The following PAMR1 variants were observed in gnomAD, a reference collection of about 807,000 sequenced individuals.
PAMR1 encodes peptidase domain containing associated with muscle regeneration 1.
PAMR1 carries 88 observed loss-of-function variants against 81.8 expected under a neutral mutation model. The observed-to-expected ratio is 1.08, with a 90% CI of 0.91 to 1.28. The LOEUF (loss-of-function observed/expected upper bound fraction) is 1.28. PAMR1 is among the 50% of genes most tolerant of loss of function. The pLI is 0.00. For missense variants in PAMR1, 935 were observed against 919.7 expected (o/e 1.02, Z -0.21); for synonymous variants, 336 against 345.3 (o/e 0.97, Z 0.30).
At chr11:35,451,452 C>T (rs961779401) in intron 6 of PAMR1, among the ~76,000 whole-genome samples, 1 of 152,204 alleles carries the variant, frequency 6.6e-6, no homozygotes, top group Non-Finnish European at 1.5e-5. Flanking sequence ...TTTCTGAAAT[C>T]AAATCACATG....
At chr11:35,458,193 C>T (rs1231519504) in intron 6 of PAMR1, among the ~76,000 whole-genome samples, 1 of 152,186 alleles carries the variant, frequency 6.6e-6, no homozygotes, top group Non-Finnish European at 1.5e-5. Context: ...ATTTTCTCAG[C>T]ACCCATCCTT....
chr11:35,490,818 A>T (rs1850610475), intron 3 of PAMR1, among the ~76,000 whole-genome samples: 1 of 152,228 alleles, frequency 6.6e-6, no homozygotes, highest in Admixed American at 6.5e-5. Flanking sequence ...AGTTGGTAGC[A>T]TTATTCTCCT....
At chr11:35,492,261 G>T in intron 2 of PAMR1, 88 bp from the exon 3 acceptor site, 1 of 1,434,300 alleles carries the variant, frequency 7.0e-7, no homozygotes, top group South Asian at 1.3e-5. Flanking sequence ...ACCTTCTCAG[G>T]GCCCTGTCTC....
At chr11:35,439,803 C>T in intron 7 of PAMR1, 110 bp from the exon 8 acceptor site, 1 of 865,852 alleles carries the variant, frequency 1.2e-6, no homozygotes, top group Non-Finnish European at 1.9e-6. Context: ...GTGCCCATTC[C>T]CCAGGCTCTC....
Position 35,435,943 on chromosome 11 carries a change from C to T in PAMR1, c.1293G>A (p.Arg431=). 6.2e-7 allele frequency: 1 copy of T among 1,614,218 alleles called. No homozygotes were observed. Among genetic ancestry groups the T allele is most frequent in the Non-Finnish European group, 8.5e-7 (1 of 1,180,036 alleles). Residue 431 remains arginine, a synonymous_variant, in exon 9 of 11, where the codon AGG becomes AGA. Coordinates refer to ENST00000619888, the MANE Select transcript of PAMR1 (RefSeq NM_001001991.3). ...RLGSSRRTCL[R]TGKWSGRAPS... Reference sequence around the variant, plus strand: ...GTGCCCGCCCACTCCACTTCCCAGTCCTCAGACATGTCCTCCTGCTGCTGC... The same window carrying T: ...GTGCCCGCCCACTCCACTTCCCAGTTCTCAGACATGTCCTCCTGCTGCTGC...
Position 35,492,144 on chromosome 11 carries a change from A to C in PAMR1, c.280T>G (p.Cys94Gly). The change falls in exon 3 of 11, where the codon TGC (cysteine) becomes GGC (glycine). Residue 94 changes from cysteine to glycine, a missense_variant. Transcript: ENST00000619888. ...GCTIFENCKS[C>G]RNGSWGGTLD... ...GTACCCCCCCATGAGCCATTTCGGC[A>C]GCTCTTGCAGTTTTCAAAGATGGTA... is the stretch of plus-strand genomic sequence containing the variant. 6.2e-7 allele frequency: 1 copy of C among 1,614,162 alleles called. No individual in the cohort carries two copies. The highest frequency in any genetic ancestry group is 8.5e-7 in the Non-Finnish European group (1 of 1,180,016).
rs1286913859 is a variant in PAMR1 at position 35,434,753 on chromosome 11, C to T, written c.1385G>A (p.Trp462Ter). Residue 462 changes from tryptophan (W) to a stop codon, truncating the protein, a stop_gained, in exon 10 of 11, where the codon TGG becomes TAG. Transcript: ENST00000619888. LOFTEE classifies it high-confidence loss of function. The part of the protein sequence containing the change: ...ITAPKTQGLR[W>*]PWQAAIYRRT... Reference sequence around the variant, plus strand: ...CCTGTAGATGGCTGCCTGCCACGGCCAGCGCAACCCTTGGGTCTTTGGAGC... The same window carrying T: ...CCTGTAGATGGCTGCCTGCCACGGCTAGCGCAACCCTTGGGTCTTTGGAGC... 3.1e-6 allele frequency: 5 copies of T among 1,614,030 alleles called. No individual in the cohort carries two copies. The highest frequency in any genetic ancestry group is 3.4e-6 in the Non-Finnish European group (4 of 1,180,030).
At position 35,434,514 on chromosome 11, in the gene PAMR1, G is replaced by A. The variant is rs775158587; in HGVS notation, c.1624C>T (p.Gln542Ter). The change falls in exon 10 of 11, where the codon CAG becomes TAG. Residue 542 changes from glutamine (Q) to a stop codon, truncating the protein, a stop_gained and splice_region_variant. Transcript: ENST00000619888. LOFTEE classifies it high-confidence loss of function. ...DRDEKTIQSLQISAIILHPNY... is the reference protein window; with the variant it reads ...DRDEKTIQSL ...TCCAAGTGCAAGCCCTCTCTTACCT[G>A]TAGGCTCTGGATGGTCTTCTCATCC... 1.4e-5 allele frequency: 22 copies of A among 1,612,762 alleles called. No homozygotes were observed. The highest frequency in any genetic ancestry group is 6.7e-5 in the East Asian group (3 of 44,860).
intron 1 of PAMR1, among the ~76,000 whole-genome samples, chr11:35,519,808 G>A (rs1005181018): frequency 3.9e-5 from 6 of 152,054 alleles, no homozygotes; most frequent in Admixed American, 6.5e-5. Flanking sequence ...TTATCATTTC[G>A]CCAAAATACA....
chr11:35,500,918 C>T (rs994126384), intron 1 of PAMR1, among the ~76,000 whole-genome samples: 12 of 152,044 alleles, frequency 7.9e-5, no homozygotes, highest in Admixed American at 3.3e-4. Context: ...CTATATAAGG[C>T]ACTTACCATG....
chr11:35,457,980 C>G (rs1167605380), intron 6 of PAMR1, among the ~76,000 whole-genome samples: 1 of 151,986 alleles, frequency 6.6e-6, no homozygotes, highest in Non-Finnish European at 1.5e-5. Context: ...GCCTGTGCAC[C>G]CTGAGAGCCA....
At position 35,432,651 on chromosome 11, in the gene PAMR1, C is replaced by A. The variant is rs1376497998; in HGVS notation, c.1868G>T (p.Ser623Ile). 1 of 1,613,900 alleles carries A rather than the reference C, an allele frequency of 6.2e-7. No homozygotes were observed. Among genetic ancestry groups the A allele is most frequent in the African/African-American group, 1.3e-5 (1 of 74,936 alleles). The change falls in exon 11 of 11, where the codon AGT becomes ATT. Residue 623 changes from serine to isoleucine, a missense_variant. Transcript: ENST00000619888. ...CTCACACAGCAGCGAGTCCACCACA[C>A]TGACCACCCCAGAGCGCAGTGTGTC... ...KNDTLRSGVVSVVDSLLCEEQ... is the reference protein window; with the variant it reads ...KNDTLRSGVVIVVDSLLCEEQ...
intron 1 of PAMR1, among the ~76,000 whole-genome samples, chr11:35,508,563 G>T (rs1001878371): frequency 7.2e-6 from 1 of 138,154 alleles, no homozygotes; most frequent in Admixed American, 7.8e-5. Context: ...AGGTTCAGGG[G>T]TACATGCACA....
In PAMR1 at chr11:35,470,642, T is replaced by C. The variant is rs772718592; in HGVS notation, c.671A>G (p.Lys224Arg). Residue 224 changes from lysine to arginine, a missense_variant, in exon 5 of 11, where the codon AAG becomes AGG. By Grantham distance (26) the Lys-to-Arg change is conservative. Transcript: ENST00000619888. ...AATGGCATGGAAACCGTCAAAATTC[T>C]TGGAGCCATCGGAGTGGAAGAGGAC... Reference protein sequence around the residue: ...LHVLFHSDGSKNFDGFHAIYE... With the variant: ...LHVLFHSDGSRNFDGFHAIYE... The C allele has an allele frequency of 3.1e-6, 5 of 1,614,218 alleles. No individual in the cohort carries two copies. In the East Asian group the frequency reaches 1.1e-4, roughly 36 times the overall value.
chr11:35,440,204 TG>T (rs1565325961), intron 7 of PAMR1, among the ~76,000 whole-genome samples: 1 of 152,218 alleles, frequency 6.6e-6, no homozygotes, highest in Non-Finnish European at 1.5e-5. Context: ...AGTTTAATTT[TG>T]TTGAAGTCTC....
intron 1 of PAMR1, among the ~76,000 whole-genome samples, chr11:35,519,784 A>G (rs949606222): frequency 2.0e-5 from 3 of 152,190 alleles, no homozygotes; most frequent in African/African-American, 7.2e-5. Context: ...CACCCTTACT[A>G]ACACCATGAT....
At chr11:35,442,980 G>T (rs1333375357) in intron 6 of PAMR1, among the ~76,000 whole-genome samples, 1 of 152,028 alleles carries the variant, frequency 6.6e-6, no homozygotes, top group Non-Finnish European at 1.5e-5. Context: ...ATTATTACCT[G>T]AGTATATTGC....
chr11:35,528,447 T>C (rs1463471907), upstream of PAMR1, among the ~76,000 whole-genome samples: 2 of 152,232 alleles, frequency 1.3e-5, no homozygotes, highest in Non-Finnish European at 2.9e-5. Context: ...TTTTTGTTTG[T>C]CTTGCCACTT....
intron 1 of PAMR1, among the ~76,000 whole-genome samples, chr11:35,504,430 T>A (rs1415028754): frequency 1.3e-5 from 2 of 152,140 alleles, no homozygotes; most frequent in Non-Finnish European, 2.9e-5. Flanking sequence ...TCAATTTTTT[T>A]GGTAGAGTTT....
Sources: allele counts gnomAD v4.1 joint callset (sites outside exome capture counted in the v4.1 genomes callset), GRCh38; gene constraint gnomAD v4.1.1; transcripts MANE v1.5; gene names NCBI Gene and HGNC (gene_info 2026-07-23, HGNC 2026-07-21).